PTPRG: variants seen among roughly 807,000 people sequenced by gnomAD.
PTPRG encodes receptor-type tyrosine-protein phosphatase gamma.
Under a neutral mutation model 165.3 loss-of-function variants are expected in PTPRG, and 102 were observed. The ratio of observed to expected loss-of-function variants is 0.62; its 90% CI spans 0.53 to 0.73. PTPRG has a LOEUF of 0.73. PTPRG is among the 30% of genes least tolerant of loss of function. The probability of loss-of-function intolerance (pLI) is 0.00; values close to 1 mark genes in which losing one functional copy is unlikely to be tolerated. For synonymous variants in PTPRG, 675 were observed against 669.5 expected (o/e 1.01, Z -0.13); for missense variants, 1,866 against 1,861.4 (o/e 1.00, Z -0.05).
intron 1 of PTPRG, among the ~76,000 whole-genome samples, chr3:61,704,784 C>T (rs1575599834): frequency 6.6e-6 from 1 of 152,184 alleles, no homozygotes; most frequent in East Asian, 1.9e-4. Context: ...TCCCATTCCC[C>T]TGCTTACTGA....
At chr3:61,710,386 G>A (rs113185506) in intron 1 of PTPRG, among the ~76,000 whole-genome samples, 15 of 152,134 alleles carry the variant, frequency 9.9e-5, no homozygotes, top group African/African-American at 1.7e-4. Context: ...CATGTAGTGC[G>A]TACAATAGTT....
rs185418490 is a variant in PTPRG at position 61,885,492 on chromosome 3, C to T, written c.191-104133C>T. Among the ~76,000 whole-genome samples the T allele has an allele frequency of 6.0e-4, 90 of 151,248 alleles. 1 individual carries two copies. The East Asian group carries it at 6.7e-3, about 11-fold the overall frequency. ...TATGTGCAGTCTTGCTATCCTACTTCGTTGTTATCCTCTCACATTTAACCC... is the reference window on the plus strand; with the variant it reads ...TATGTGCAGTCTTGCTATCCTACTTTGTTGTTATCCTCTCACATTTAACCC... On this transcript the variant is annotated intron_variant, in intron 2 of 29. Coordinates refer to ENST00000474889, the MANE Select transcript of PTPRG (RefSeq NM_002841.4).
chr3:62,282,805 G>C lies in PTPRG; in HGVS notation c.3991G>C (p.Glu1331Gln). 6.2e-7 allele frequency: 1 copy of C among 1,612,206 alleles called. No individual in the cohort carries two copies. The highest frequency in any genetic ancestry group is 8.5e-7 in the Non-Finnish European group (1 of 1,178,694). The change falls in exon 28 of 30, where the codon GAA (glutamate) becomes CAA (glutamine). Residue 1331 changes from glutamate (E) to glutamine (Q), a missense_variant. By Grantham distance (29) the Glu-to-Gln change is conservative. This residue lies in a region of PTPRG where 1,452 missense variants were observed against 1,463.0 expected (regional missense o/e 0.99). Transcript: ENST00000474889. The stretch of plus-strand genomic sequence containing the variant: ...AGATGCCCCCATAAGTAGTACCTTT[G>C]AACTTATCAACGTCATCAAGGAAGA... ...NPDAPISSTF[E>Q]LINVIKEEAL...
intron 12 of PTPRG, among the ~76,000 whole-genome samples, chr3:62,208,835 T>A (rs1700290358): frequency 6.6e-6 from 1 of 152,256 alleles, no homozygotes; most frequent in African/African-American, 2.4e-5. Context: ...TAGCCCTGCC[T>A]ATGCAGAAGG....
chr3:61,825,528 T>C lies in PTPRG; in HGVS notation c.190+76546T>C, dbSNP rs1575696088. The stretch of plus-strand genomic sequence containing the variant: ...TTTTAAAAGCTGAACTAGCAGTTAG[T>C]TACTAGATTCTAGGTATGAAATGGG... On this transcript the variant is annotated intron_variant, in intron 2 of 29. Coordinates refer to ENST00000474889, the MANE Select transcript of PTPRG (RefSeq NM_002841.4). Among the ~76,000 whole-genome samples the C allele has an allele frequency of 2.6e-5, 4 of 152,336 alleles. No individual in the cohort carries two copies. In the South Asian group the frequency reaches 8.3e-4, roughly 32 times the overall value.
intron 1 of PTPRG, among the ~76,000 whole-genome samples, chr3:61,730,153 T>C (rs975623177): frequency 6.6e-6 from 1 of 152,224 alleles, no homozygotes; most frequent in Non-Finnish European, 1.5e-5. Context: ...CTGGGCAGCT[T>C]GCCTGTAAGG....
intron 2 of PTPRG, among the ~76,000 whole-genome samples, chr3:61,920,863 TA>T (rs2107560702): frequency 6.6e-6 from 1 of 152,304 alleles, no homozygotes; most frequent in South Asian, 2.1e-4. Flanking sequence ...TGGAAATACT[TA>T]AAAAATTTAA....
intron 2 of PTPRG, among the ~76,000 whole-genome samples, chr3:61,840,782 G>GTTTTTTTTTT (rs149041037): frequency 4.2e-5 from 5 of 120,108 alleles, no homozygotes; most frequent in South Asian, 3.0e-4. Context: ...TTGTTTGTTT[G>GTTTTTTTTTT]TTTTTTTTTT....
At chr3:61,784,876 T>G (rs1003473422) in intron 2 of PTPRG, among the ~76,000 whole-genome samples, 1 of 152,170 alleles carries the variant, frequency 6.6e-6, no homozygotes, top group African/African-American at 2.4e-5. Context: ...AAGAACAGCT[T>G]AATAGTCTGA....
chr3:62,287,780 T>C (rs1002473168), intron 28 of PTPRG, among the ~76,000 whole-genome samples: 8 of 152,144 alleles, frequency 5.3e-5, no homozygotes, highest in South Asian at 2.1e-4. Context: ...AATAGTGATA[T>C]AGAGAAGTTC....
Position 61,832,963 on chromosome 3 carries a change from T to C in PTPRG, c.190+83981T>C, listed in dbSNP as rs2036346259. Among the ~76,000 whole-genome samples, 3 of 152,198 alleles carry C rather than the reference T, an allele frequency of 2.0e-5. No individual in the cohort carries two copies. The South Asian group carries it at 6.2e-4, about 31-fold the overall frequency. On this transcript the variant is annotated intron_variant, in intron 2 of 29. Coordinates refer to ENST00000474889, the MANE Select transcript of PTPRG (RefSeq NM_002841.4). ...TGAGTGAAAACATATGATGTTTGGT[T>C]TTCCATTCCTGAGTTATATCACTTA...
intron 1 of PTPRG, among the ~76,000 whole-genome samples, chr3:61,629,490 A>G (rs139191141): frequency 6.6e-6 from 1 of 152,296 alleles, no homozygotes; most frequent in East Asian, 1.9e-4. Flanking sequence ...TTTTCTGGGT[A>G]AAAGAGGGTC....
At chr3:61,727,261 C>T (rs1219599493) in intron 1 of PTPRG, among the ~76,000 whole-genome samples, 4 of 150,894 alleles carry the variant, frequency 2.7e-5, no homozygotes, top group African/African-American at 9.8e-5. Context: ...TCTCATCTCA[C>T]TGCAACCTCA....
chr3:61,884,539 G>T (rs2037975574), intron 2 of PTPRG, among the ~76,000 whole-genome samples: 1 of 152,168 alleles, frequency 6.6e-6, no homozygotes, highest in Admixed American at 6.5e-5. Context: ...TGCATTTAAG[G>T]TGAATCAAGA....
intron 1 of PTPRG, chr3:61,742,736 C>G: frequency 5.0e-6 from 8 of 1,610,314 alleles, no homozygotes; most frequent in South Asian, 3.3e-5. Context: ...AGACCTGGGC[C>G]GAGGATTCGT....
intron 5 of PTPRG, among the ~76,000 whole-genome samples, chr3:62,116,568 T>G (rs77722246): frequency 6.6e-6 from 1 of 152,254 alleles, no homozygotes; most frequent in African/African-American, 2.4e-5. Flanking sequence ...TGAGACAAGA[T>G]TCTGGTGTAT....
At chr3:61,878,481 G>A (rs1559664411) in intron 2 of PTPRG, among the ~76,000 whole-genome samples, 1 of 152,016 alleles carries the variant, frequency 6.6e-6, no homozygotes, top group East Asian at 1.9e-4. Context: ...TCCCCAGGTT[G>A]TTTTTGGTTT....
At chr3:61,776,706 G>A (rs2034395177) in intron 2 of PTPRG, among the ~76,000 whole-genome samples, 1 of 152,068 alleles carries the variant, frequency 6.6e-6, no homozygotes, top group Non-Finnish European at 1.5e-5. Flanking sequence ...GCCACGGTCT[G>A]TCTTGTCATT....
rs1705070153 is a variant in PTPRG, at chr3:62,168,142, C to G, written c.1012C>G (p.Leu338Val). The change falls in exon 8 of 30, where the codon CTG (leucine) becomes GTG (valine). Residue 338 changes from leucine to valine, a missense_variant. This residue lies in a region of PTPRG where 1,452 missense variants were observed against 1,463.0 expected (regional missense o/e 0.99). Coordinates refer to ENST00000474889, the MANE Select transcript of PTPRG (RefSeq NM_002841.4). ...CATGACAGACTTCTTAGAAAACCCA[C>G]TGGGGACAGAAGCCTCTAAAGGTAT... is the stretch of plus-strand genomic sequence containing the variant. The part of the protein sequence containing the change: ...HDMTDFLENP[L>V]GTEASKVCSS... 1.2e-6 allele frequency: 2 copies of G among 1,614,086 alleles called. No individual in the cohort carries two copies. The highest frequency in any genetic ancestry group is 1.7e-6 in the Non-Finnish European group (2 of 1,179,964).
Sources: gnomAD v4.1 joint callset for allele counts (sites outside exome capture counted in the v4.1 genomes callset) on GRCh38, gnomAD v4.1.1 for gene constraint, gnomAD v4.1.1 regional missense constraint, MANE v1.5 for transcripts, NCBI Gene and HGNC (gene_info 2026-07-23, HGNC 2026-07-21) for gene names.